SATB2: variants seen among roughly 807,000 people sequenced by gnomAD.
SATB2 encodes the protein SATB homeobox 2, also known as DNA-binding protein SATB2.
A neutral mutation model predicts 73.4 loss-of-function variants in SATB2; 1 was observed. The observed-to-expected ratio is 0.01, with a 90% CI of 0.00 to 0.06. The LOEUF is 0.06. Ranked by LOEUF, SATB2 falls within the 10% of genes least tolerant of loss-of-function variation. The probability of loss-of-function intolerance (pLI) is 1.00; values close to 1 mark genes in which losing one functional copy is unlikely to be tolerated. For synonymous variants in SATB2, 397 were observed against 367.0 expected (o/e 1.08, Z -0.93); for missense variants, 459 against 945.8 (o/e 0.49, Z 6.75).
intron 6 of SATB2, among the ~76,000 whole-genome samples, chr2:199,349,744 A>G (rs930327226): frequency 2.6e-5 from 4 of 152,204 alleles, no homozygotes; most frequent in African/African-American, 7.2e-5. Flanking sequence ...TAAGAAATTG[A>G]TATTTTAAAC....
At chr2:199,366,033 G>T (rs1374194400) in intron 6 of SATB2, among the ~76,000 whole-genome samples, 1 of 152,102 alleles carries the variant, frequency 6.6e-6, no homozygotes, top group Non-Finnish European at 1.5e-5. Context: ...GACATTAGCA[G>T]ATAATAGGAA....
intron 8 of SATB2, among the ~76,000 whole-genome samples, chr2:199,325,616 T>C (rs1306984847): frequency 6.6e-6 from 1 of 152,226 alleles, no homozygotes; most frequent in Non-Finnish European, 1.5e-5. Flanking sequence ...GCATAGCATG[T>C]CTGCCCTTTC....
chr2:199,375,244 G>A (rs2105858987), intron 5 of SATB2, among the ~76,000 whole-genome samples: 1 of 152,278 alleles, frequency 6.6e-6, no homozygotes, highest in Middle Eastern at 3.4e-3. Flanking sequence ...AAGGGAGGAC[G>A]ATGCCTAAGG....
intron 2 of SATB2, among the ~76,000 whole-genome samples, chr2:199,442,811 A>G (rs1409371386): frequency 6.6e-6 from 1 of 152,202 alleles, no homozygotes; most frequent in Non-Finnish European, 1.5e-5. Flanking sequence ...AAGTTTGAAT[A>G]TAACAGAAAA....
chr2:199,377,942 A>G (rs1434745959), intron 5 of SATB2, among the ~76,000 whole-genome samples: 1 of 152,168 alleles, frequency 6.6e-6, no homozygotes, highest in Non-Finnish European at 1.5e-5. Context: ...AGAGAGTGGA[A>G]GGGGAAAGAG....
At chr2:199,378,081 A>G (rs1689657589) in intron 5 of SATB2, among the ~76,000 whole-genome samples, 1 of 152,220 alleles carries the variant, frequency 6.6e-6, no homozygotes, top group Non-Finnish European at 1.5e-5. Flanking sequence ...AAGTGAACAG[A>G]CTTGCCCAGG....
rs192263014 is a variant in SATB2, at chr2:199,328,294, A to C, written c.1386+404T>G. On this transcript the variant is annotated intron_variant, in intron 8 of 10. Transcript: ENST00000417098. ...GGTGGCTCACGCCTGTAATCCCAGC[A>C]CTTTGGGAGACCAAGGCAAGCGGAT... Among the ~76,000 whole-genome samples, 38 of 152,294 alleles carry C rather than the reference A, an allele frequency of 2.5e-4. No individual in the cohort carries two copies. In the East Asian group the frequency reaches 7.4e-3, roughly 29 times the overall value.
rs1274878216 is a variant in SATB2 at position 199,328,373 on chromosome 2, C to A, written c.1386+325G>T. 2.6e-5 allele frequency among the ~76,000 whole-genome samples: 4 copies of A among 151,694 alleles called. No homozygotes were observed. In the East Asian group the frequency reaches 5.9e-4, roughly 22 times the overall value. The stretch of plus-strand genomic sequence containing the variant: ...CTGGCCAACATGGTGAAACCCCATC[C>A]CTACAAAAAATACAAAAATTAGCAG... On this transcript the variant is annotated intron_variant, in intron 8 of 10. Coordinates refer to ENST00000417098, the MANE Select transcript of SATB2 (RefSeq NM_001172509.2).
intron 3 of SATB2, among the ~76,000 whole-genome samples, chr2:199,384,256 TG>T (rs1318998101): frequency 6.6e-6 from 1 of 152,216 alleles, no homozygotes; most frequent in Non-Finnish European, 1.5e-5. Flanking sequence ...TTCTATATCT[TG>T]GAAGAGAGCT....
At chr2:199,405,248 C>A (rs1007462078) in intron 3 of SATB2, among the ~76,000 whole-genome samples, 2 of 152,154 alleles carry the variant, frequency 1.3e-5, no homozygotes, top group Admixed American at 6.5e-5. Flanking sequence ...GCAGCCTGTT[C>A]AACAACAAAG....
At chr2:199,415,119 A>G (rs1690936167) in intron 3 of SATB2, among the ~76,000 whole-genome samples, 1 of 152,246 alleles carries the variant, frequency 6.6e-6, no homozygotes, top group South Asian at 2.1e-4. Context: ...GAGCACCACA[A>G]TTATGTGCGT....
intron 3 of SATB2, among the ~76,000 whole-genome samples, chr2:199,399,965 G>A (rs147721042): frequency 6.6e-6 from 1 of 152,286 alleles, no homozygotes; most frequent in African/African-American, 2.4e-5. Flanking sequence ...ACTTGCCTAA[G>A]GTTACAAGGA....
At chr2:199,381,606 A>T in intron 4 of SATB2, 88 bp downstream of exon 4, 1 of 1,528,280 alleles carries the variant, frequency 6.5e-7, no homozygotes, top group East Asian at 2.3e-5. Flanking sequence ...AGAAATTAAT[A>T]GACAGGACAT....
At chr2:199,411,839 A>T (rs1690829602) in intron 3 of SATB2, among the ~76,000 whole-genome samples, 1 of 152,260 alleles carries the variant, frequency 6.6e-6, no homozygotes, top group Non-Finnish European at 1.5e-5. Flanking sequence ...TTATAGGGGC[A>T]TAAAGAAGAA....
chr2:199,396,724 C>G (rs1317076719), intron 3 of SATB2: 1 of 152,058 alleles, frequency 6.6e-6, no homozygotes, highest in Non-Finnish European at 1.5e-5. Context: ...TACCTTATTC[C>G]CAACAAATTC....
intron 2 of SATB2, among the ~76,000 whole-genome samples, chr2:199,453,334 A>G (rs1046477071): frequency 6.6e-6 from 1 of 152,066 alleles, no homozygotes; most frequent in Non-Finnish European, 1.5e-5. Context: ...CTCCACTTTT[A>G]AGACAAATTT....
chr2:199,347,703 A>T (rs1688695919), intron 7 of SATB2: 2 of 152,136 alleles, frequency 1.3e-5, no homozygotes, highest in African/African-American at 4.8e-5. Context: ...ATGAACCTCC[A>T]CCACAACTAT....
rs1403843834 is a variant in SATB2, at chr2:199,455,780, C to CGGATTAG, written c.169+88_169+89insCTAATCC. On this transcript the variant is annotated intron_variant, in intron 2 of 10. Coordinates refer to ENST00000417098, the MANE Select transcript of SATB2 (RefSeq NM_001172509.2). This position sits in a 1 kb window ranked among gnomAD's most constrained non-coding sequence, Gnocchi z 4.1. ...GAATTCACTTCCTGTAATCCTACAC[C>CGGATTAG]GCGACAGCGCCTAATCAACCTGAAC... 5.2e-5 allele frequency: 74 copies of CGGATTAG among 1,429,704 alleles called. 1 individual carries two copies. The highest frequency in any genetic ancestry group is 1.2e-4 in the Admixed American group (6 of 50,504). 88.6% of individuals were successfully genotyped at this position (1,429,704 alleles called of 1,614,324 possible).
At chr2:199,289,040 A>G (rs1278420444) in intron 10 of SATB2, among the ~76,000 whole-genome samples, 2 of 152,208 alleles carry the variant, frequency 1.3e-5, no homozygotes, top group Non-Finnish European at 2.9e-5. Context: ...ATTTTCTTGC[A>G]AGAGAAAAAT....
Sources: gnomAD v4.1 joint callset for allele counts (sites outside exome capture counted in the v4.1 genomes callset) on GRCh38, gnomAD v4.1.1 for gene constraint, Gnocchi (gnomAD v3.1) non-coding constraint, MANE v1.5 for transcripts, NCBI Gene and HGNC (gene_info 2026-07-23, HGNC 2026-07-21) for gene names.